Variants in CTCF observed in about 807,000 individuals in gnomAD.
CTCF encodes the protein transcriptional repressor CTCF.
A neutral mutation model predicts 72.3 loss-of-function variants in CTCF; 7 were observed. That is an observed-to-expected ratio of 0.10 (90% confidence interval 0.06 to 0.18). The LOEUF (loss-of-function observed/expected upper bound fraction) is 0.18. Ranked by LOEUF, CTCF falls within the 10% of genes least tolerant of loss-of-function variation. The pLI, the probability that CTCF is intolerant of heterozygous loss-of-function variation, is 1.00. For missense variants in CTCF, 516 were observed against 949.1 expected, an observed-to-expected ratio of 0.54 and a Z score of 6.00; for synonymous variants, 374 against 315.8, an observed-to-expected ratio of 1.18 and a Z score of -1.95.
rs2142824779 is a variant in CTCF at position 67,611,166 on chromosome 16, G to A, written c.334G>A (p.Glu112Lys). 6.2e-7 allele frequency: 1 copy of A among 1,614,160 alleles called. No homozygotes were observed. The highest frequency in any genetic ancestry group is 8.5e-7 in the Non-Finnish European group (1 of 1,180,020). The change falls in exon 3 of 12, where the codon GAA becomes AAA. Residue 112 changes from glutamate (E) to lysine (K), a missense_variant. This residue lies in a region of CTCF where 148 missense variants were observed against 194.9 expected (regional missense o/e 0.76). Coordinates refer to ENST00000264010, the MANE Select transcript of CTCF (RefSeq NM_006565.4). ...GGAGGAACAGCCCATAAACATAGGA[G>A]AACTTCAGCTTGTTCAAGTACCTGT... ...NMEEQPINIGELQLVQVPVPV... is the reference protein window; with the variant it reads ...NMEEQPINIGKLQLVQVPVPV...
At chr16:67,568,463 A>T (rs185011690) in intron 1 of CTCF, 14 of 152,130 alleles carry the variant, frequency 9.2e-5, no homozygotes. Flanking sequence ...ATGGTGGCCC[A>T]CTGCAACCTC....
chr16:67,613,437 C>T (rs535690831), intron 4 of CTCF, among the ~76,000 whole-genome samples: 213 of 152,290 alleles, frequency 1.4e-3, no homozygotes, highest in Non-Finnish European at 2.6e-3. Context: ...CTAATTTCTA[C>T]TCAGACACTT....
Position 67,637,943 on chromosome 16 carries a change from C to T in CTCF, c.*71C>T, listed in dbSNP as rs992871570. ...AACGGCCCGCATCTTAATTTTTCTC[C>T]CTTCTTTCTTTTTTTGGCTTTGGGA... On this transcript the variant is annotated 3_prime_UTR_variant, in exon 12 of 12. Transcript: ENST00000264010. 4 of 1,327,248 alleles carry T rather than the reference C, an allele frequency of 3.0e-6. No individual in the cohort carries two copies. Among genetic ancestry groups the T allele is most frequent in the African/African-American group, 1.5e-5 (1 of 68,378 alleles). The allele number at this position is 1,327,248 out of a possible 1,614,324, so 82.2% of individuals were successfully genotyped here. A position where few individuals can be genotyped will look rare whatever the true frequency, so the allele number is the denominator to read the frequency against.
At chr16:67,608,193 G>A (rs2052003293) in intron 2 of CTCF, among the ~76,000 whole-genome samples, 1 of 151,504 alleles carries the variant, frequency 6.6e-6, no homozygotes, top group Non-Finnish European at 1.5e-5. Flanking sequence ...GCATGGTGGT[G>A]GGCGCCTGTA....
chr16:67,591,583 G>T (rs989275740), intron 2 of CTCF, among the ~76,000 whole-genome samples: 2 of 152,132 alleles, frequency 1.3e-5, no homozygotes, highest in Non-Finnish European at 2.9e-5. Context: ...GAGTAAAATG[G>T]TTATTTTGTT....
At position 67,562,648 on chromosome 16, in the gene CTCF, G is replaced by T; in HGVS notation, c.-203G>T. ...CGGCGGTGGCCGGTGCGGACGCGCG[G>T]AGCTCGCCGGAGACGCCGGGTGGCC... On this transcript the variant is annotated 5_prime_UTR_variant, in exon 1 of 12. Coordinates refer to ENST00000264010, the MANE Select transcript of CTCF (RefSeq NM_006565.4). 2 of 153,102 alleles carry T rather than the reference G, an allele frequency of 1.3e-5. No homozygotes were observed. Among genetic ancestry groups the T allele is most frequent in the South Asian group, 3.6e-4 (2 of 5,592 alleles). The allele number at this position is 153,102 out of a possible 1,614,324, so 9.5% of individuals were successfully genotyped here.
chr16:67,596,631 C>G (rs542689179), intron 2 of CTCF, among the ~76,000 whole-genome samples: 1 of 152,192 alleles, frequency 6.6e-6, no homozygotes, highest in East Asian at 1.9e-4. Context: ...GTCACCCAGG[C>G]TGGAATGCAG....
At chr16:67,564,979 A>G (rs919196595) in intron 1 of CTCF, among the ~76,000 whole-genome samples, 8 of 152,086 alleles carry the variant, frequency 5.3e-5, no homozygotes, top group African/African-American at 1.9e-4. Flanking sequence ...ATTGAGGATG[A>G]ATTGATATGT....
chr16:67,637,350 G>A (rs904578490), intron 11 of CTCF, among the ~76,000 whole-genome samples: 70 of 152,228 alleles, frequency 4.6e-4, no homozygotes, highest in African/African-American at 1.6e-3. Flanking sequence ...TGGTCAACAT[G>A]GTGAAACCCC....
intron 2 of CTCF, among the ~76,000 whole-genome samples, chr16:67,607,296 TTTTG>T (rs1280522817): frequency 6.7e-6 from 1 of 150,164 alleles, no homozygotes; most frequent in African/African-American, 2.5e-5. Context: ...TTCACAAGAT[TTTTG>T]TTTGTTTTTT....
At chr16:67,580,828 C>G (rs1339586045) in intron 2 of CTCF, among the ~76,000 whole-genome samples, 2 of 146,884 alleles carry the variant, frequency 1.4e-5, no homozygotes, top group African/African-American at 2.6e-5. Flanking sequence ...GTTGGCCAGG[C>G]TGGTCTAGAA....
intron 2 of CTCF, among the ~76,000 whole-genome samples, chr16:67,608,591 G>C (rs887393411): frequency 1.3e-5 from 2 of 152,130 alleles, no homozygotes; most frequent in Non-Finnish European, 2.9e-5. Flanking sequence ...TGCAAGATGA[G>C]TAAGTTCTAG....
At chr16:67,565,431 T>C (rs1025107257) in intron 1 of CTCF, among the ~76,000 whole-genome samples, 4 of 151,970 alleles carry the variant, frequency 2.6e-5, no homozygotes, top group African/African-American at 9.7e-5. Flanking sequence ...TCCCAGCACT[T>C]TGGGTGACCA....
intron 5 of CTCF, among the ~76,000 whole-genome samples, chr16:67,620,322 T>A (rs920054835): frequency 7.2e-5 from 11 of 152,082 alleles, no homozygotes; most frequent in Non-Finnish European, 1.6e-4. Context: ...AGCCTCAGCC[T>A]TCCGAGTAGC....
chr16:67,593,544 G>A (rs953785445), intron 2 of CTCF, among the ~76,000 whole-genome samples: 2 of 152,158 alleles, frequency 1.3e-5, no homozygotes, highest in South Asian at 2.1e-4. Context: ...ATGGCTGTGC[G>A]TTCTCTGCCT....
rs2142847684 is a variant in CTCF at position 67,620,762 on chromosome 16, C to T, written c.1152C>T (p.Cys384=). The change falls in exon 6 of 12, where the codon TGC becomes TGT. Residue 384 remains cysteine, a synonymous_variant. Coordinates refer to ENST00000264010, the MANE Select transcript of CTCF (RefSeq NM_006565.4). The part of the protein sequence containing the change: ...TGERPFQCSL[C]SYASRDTYKL... ...AGCGTCCGTTTCAGTGCAGTTTGTGCAGTTATGCCAGCAGGGACACATACA... is the reference window on the plus strand; with the variant it reads ...AGCGTCCGTTTCAGTGCAGTTTGTGTAGTTATGCCAGCAGGGACACATACA... The T allele has an allele frequency of 3.7e-6, 6 of 1,604,850 alleles. No homozygotes were observed. Among genetic ancestry groups the T allele is most frequent in the Non-Finnish European group, 5.1e-6 (6 of 1,173,006 alleles).
intron 4 of CTCF, among the ~76,000 whole-genome samples, chr16:67,613,606 C>G (rs1434772243): frequency 6.6e-6 from 1 of 152,120 alleles, no homozygotes; most frequent in African/African-American, 2.4e-5. Flanking sequence ...AAAACCGCCT[C>G]TGTACTGAAA....
chr16:67,626,728 A>G lies in CTCF; in HGVS notation c.1518+13A>G. On this transcript the variant is annotated intron_variant, in intron 8 of 11. Coordinates refer to ENST00000264010, the MANE Select transcript of CTCF (RefSeq NM_006565.4). The stretch of plus-strand genomic sequence containing the variant: ...CGCTTGTAGACAGGTAGGAACCTTC[A>G]TTGAAAGTTGTTGGTGCTTTCTCGG... 9 of 1,394,804 alleles carry G rather than the reference A, an allele frequency of 6.5e-6. No homozygotes were observed. The highest frequency in any genetic ancestry group is 8.5e-6 in the Non-Finnish European group (9 of 1,062,046). The allele number at this position is 1,394,804 out of a possible 1,614,324, so 86.4% of individuals were successfully genotyped here.
intron 7 of CTCF, 99 bp from the exon 8 acceptor site, chr16:67,626,452 CAAAA>C (rs373304235): frequency 6.7e-3 from 2,490 of 374,086 alleles, no homozygotes; most frequent in South Asian, 9.3e-3. Flanking sequence ...GACTCCGTCT[CAAAA>C]AAAAAAAAAA....
Sources: gnomAD v4.1 joint callset for allele counts (sites outside exome capture counted in the v4.1 genomes callset) on GRCh38, gnomAD v4.1.1 for gene constraint, gnomAD v4.1.1 regional missense constraint, MANE v1.5 for transcripts, NCBI Gene and HGNC (gene_info 2026-07-23, HGNC 2026-07-21) for gene names.